IGF2BP3: variants seen among roughly 807,000 people sequenced by gnomAD.
IGF2BP3 encodes insulin-like growth factor 2 mRNA-binding protein 3.
IGF2BP3 carries 9 observed loss-of-function variants against 73.8 expected under a neutral mutation model. The observed-to-expected ratio is 0.12, with a 90% confidence interval of 0.07 to 0.21. IGF2BP3 has a LOEUF of 0.21. Ranked by LOEUF, IGF2BP3 falls within the 10% of genes least tolerant of loss-of-function variation. The probability of loss-of-function intolerance (pLI) is 1.00; values close to 1 mark genes in which losing one functional copy is unlikely to be tolerated. For synonymous variants in IGF2BP3, 258 were observed against 256.7 expected, an observed-to-expected ratio of 1.01 and a Z score of -0.05; for missense variants, 542 against 714.0, an observed-to-expected ratio of 0.76 and a Z score of 2.75.
intron 10 of IGF2BP3, among the ~76,000 whole-genome samples, chr7:23,320,776 C>T (rs1784115963): frequency 6.6e-6 from 1 of 150,984 alleles, no homozygotes; most frequent in African/African-American, 2.4e-5. Context: ...GGCAAAACCC[C>T]ATCTCTTCAA....
chr7:23,323,496 C>G (rs1007591660), intron 10 of IGF2BP3, among the ~76,000 whole-genome samples: 6 of 146,354 alleles, frequency 4.1e-5, no homozygotes, highest in African/African-American at 1.6e-4. Flanking sequence ...CCACTGTCAA[C>G]ATTAGACAGA....
At chr7:23,333,933 C>G (rs918826519) in intron 10 of IGF2BP3, among the ~76,000 whole-genome samples, 2 of 152,164 alleles carry the variant, frequency 1.3e-5, no homozygotes, top group African/African-American at 4.8e-5. Context: ...GATTACTTTT[C>G]AAGAAAATTT....
chr7:23,367,211 C>T (rs189071073), intron 3 of IGF2BP3, among the ~76,000 whole-genome samples: 34 of 152,220 alleles, frequency 2.2e-4, no homozygotes, highest in African/African-American at 7.9e-4. Context: ...TTCCTGAGCT[C>T]AAGTGATCTG....
At chr7:23,339,060 CAG>C (rs1253697191) in intron 10 of IGF2BP3, among the ~76,000 whole-genome samples, 3 of 152,214 alleles carry the variant, frequency 2.0e-5, no homozygotes, top group Non-Finnish European at 4.4e-5. Context: ...TTGAAACCAC[CAG>C]ACTGTTACAT....
At chr7:23,347,540 T>G (rs1784858559) in intron 7 of IGF2BP3, 60 bp downstream of exon 7, 2 of 1,558,350 alleles carry the variant, frequency 1.3e-6, no homozygotes, top group Admixed American at 1.8e-5. Flanking sequence ...GTGTCAGAGA[T>G]GTCAAAAATA....
intron 2 of IGF2BP3, among the ~76,000 whole-genome samples, chr7:23,424,354 T>C (rs1787438696): frequency 1.3e-5 from 2 of 151,438 alleles, no homozygotes; most frequent in Non-Finnish European, 2.9e-5. Flanking sequence ...AAAAATTAGC[T>C]GGGCGTAGTG....
At chr7:23,454,430 C>T (rs1434325040) in intron 2 of IGF2BP3, among the ~76,000 whole-genome samples, 4 of 152,050 alleles carry the variant, frequency 2.6e-5, no homozygotes, top group Admixed American at 2.6e-4. Context: ...AACCATAAAC[C>T]ACGGGGTCAT....
intron 3 of IGF2BP3, chr7:23,415,637 TATAA>T (rs1404218623): frequency 5.4e-6 from 1 of 186,092 alleles, no homozygotes; most frequent in African/African-American, 2.4e-5. Flanking sequence ...GAACAAGATG[TATAA>T]CTCCTCTCTC....
intron 3 of IGF2BP3, among the ~76,000 whole-genome samples, chr7:23,391,584 C>T (rs1483165988): frequency 1.3e-5 from 2 of 152,120 alleles, no homozygotes; most frequent in African/African-American, 2.4e-5. Context: ...TGGAACTGAG[C>T]CCCAAACAAA....
In IGF2BP3 at chr7:23,313,407, G is replaced by T. The variant is rs940988806; in HGVS notation, c.1527+115C>A. On this transcript the variant is annotated intron_variant, in intron 13 of 14. Coordinates refer to ENST00000258729, the MANE Select transcript of IGF2BP3 (RefSeq NM_006547.3). ...AAAAGGCAATCTTCTCCAAACCTTG[G>T]TCAAGATGGTCCTGCTTTTTATAAA... is the stretch of plus-strand genomic sequence containing the variant. The T allele has an allele frequency of 3.4e-6, 4 of 1,187,198 alleles. No homozygotes were observed. In the Admixed American group the frequency reaches 9.1e-5, roughly 27 times the overall value. The allele number at this position is 1,187,198 out of a possible 1,614,324, so 73.5% of individuals were successfully genotyped here.
chr7:23,322,893 G>A (rs1239974214), intron 10 of IGF2BP3, among the ~76,000 whole-genome samples: 1 of 152,086 alleles, frequency 6.6e-6, no homozygotes, highest in Non-Finnish European at 1.5e-5. Context: ...TCACCACCAG[G>A]CCTGCCCTAA....
intron 3 of IGF2BP3, among the ~76,000 whole-genome samples, chr7:23,387,392 A>G (rs1377691576): frequency 1.3e-5 from 2 of 152,244 alleles, no homozygotes; most frequent in Non-Finnish European, 1.5e-5. Context: ...ACAATGAAAT[A>G]GTGTCCCAGA....
intron 2 of IGF2BP3, among the ~76,000 whole-genome samples, chr7:23,443,941 G>A (rs764785386): frequency 1.3e-5 from 2 of 151,714 alleles, no homozygotes; most frequent in Non-Finnish European, 2.9e-5. Context: ...CCCAGGAGGC[G>A]GAGGATGCAG....
intron 2 of IGF2BP3, 36 bp from the exon 3 acceptor site, chr7:23,418,860 A>T: frequency 7.1e-7 from 1 of 1,404,888 alleles, no homozygotes; most frequent in Non-Finnish European, 9.8e-7. Flanking sequence ...AAAAGAAAAA[A>T]ACATAAAAGC....
At chr7:23,389,543 G>A (rs955117249) in intron 3 of IGF2BP3, among the ~76,000 whole-genome samples, 1 of 145,490 alleles carries the variant, frequency 6.9e-6, no homozygotes, top group Non-Finnish European at 1.5e-5. Flanking sequence ...ATTCAGTACT[G>A]TTTTTTTTTT....
At chr7:23,398,790 T>C (rs1583991629) in intron 3 of IGF2BP3, among the ~76,000 whole-genome samples, 1 of 152,342 alleles carries the variant, frequency 6.6e-6, no homozygotes, top group South Asian at 2.1e-4. Context: ...TTTGAGTTCA[T>C]TGTAGATTCT....
At chr7:23,366,192 C>G (rs1408530058) in intron 3 of IGF2BP3, among the ~76,000 whole-genome samples, 2 of 151,310 alleles carry the variant, frequency 1.3e-5, no homozygotes, top group Non-Finnish European at 2.9e-5. Context: ...GGCTGGAGTA[C>G]AATGGTGCAA....
chr7:23,469,762 T>C lies in IGF2BP3; in HGVS notation c.175+174A>G, dbSNP rs1788664984. ...GGGGAAGCAGAGCCGCGGGCCGGAG[T>C]GGGAGCCGGAGCTGAGGAGAGCCCC... On this transcript the variant is annotated intron_variant, in intron 1 of 14. Coordinates refer to ENST00000258729, the MANE Select transcript of IGF2BP3 (RefSeq NM_006547.3). The surrounding 1 kb of genome is among the most constrained non-coding windows in gnomAD (Gnocchi z 6.1). 6.6e-6 allele frequency among the ~76,000 whole-genome samples: 1 copy of C among 151,044 alleles called. No individual in the cohort carries two copies. The highest frequency in any genetic ancestry group is 2.4e-5 in the African/African-American group (1 of 41,100).
In IGF2BP3 at chr7:23,379,997, G is replaced by C. The variant is rs117743396; in HGVS notation, c.286-18256C>G. Among the ~76,000 whole-genome samples, 59 of 152,182 alleles carry C rather than the reference G, an allele frequency of 3.9e-4. No homozygotes were observed. The East Asian group carries it at 0.011, about 28-fold the overall frequency. On this transcript the variant is annotated intron_variant, in intron 3 of 14. Coordinates refer to ENST00000258729, the MANE Select transcript of IGF2BP3 (RefSeq NM_006547.3). Reference sequence around the variant, plus strand: ...AGAGGTCAGGGGATGCAGAGAATTTGAATGTCAACTTCTAAGATGGGTTGG... The same window carrying C: ...AGAGGTCAGGGGATGCAGAGAATTTCAATGTCAACTTCTAAGATGGGTTGG...
Sources: allele counts gnomAD v4.1 joint callset (sites outside exome capture counted in the v4.1 genomes callset), GRCh38; gene constraint gnomAD v4.1.1; non-coding constraint Gnocchi (gnomAD v3.1); transcripts MANE v1.5; gene names NCBI Gene and HGNC (gene_info 2026-07-23, HGNC 2026-07-21).